Variants in SLC16A12 observed in about 807,000 individuals in gnomAD.
The protein encoded by SLC16A12 is solute carrier family 16 member 12, also known as monocarboxylate transporter 12.
SLC16A12 carries 17 observed loss-of-function variants against 42.4 expected under a neutral mutation model. The observed-to-expected ratio is 0.40, with a 90% CI of 0.27 to 0.60. The LOEUF (loss-of-function observed/expected upper bound fraction) is 0.60. Ranked by LOEUF, SLC16A12 falls within the 20% of genes least tolerant of loss-of-function variation. The pLI is 0.42. For missense variants in SLC16A12, 544 were observed against 623.0 expected (o/e 0.87, Z 1.35); for synonymous variants, 224 against 229.4 (o/e 0.98, Z 0.21).
intron 2 of SLC16A12, among the ~76,000 whole-genome samples, chr10:89,530,458 C>T (rs1361068106): frequency 1.3e-5 from 2 of 151,116 alleles, no homozygotes; most frequent in Non-Finnish European, 2.9e-5. Context: ...CGCTCTGTTG[C>T]CCAGGCTGGA....
Position 89,462,424 on chromosome 10 carries a change from A to G in SLC16A12, c.155T>C (p.Val52Ala). 6.2e-7 allele frequency: 1 copy of G among 1,614,092 alleles called. No homozygotes were observed. Among genetic ancestry groups the G allele is most frequent in the South Asian group, 1.1e-5 (1 of 91,086 alleles). Reference protein sequence around the residue: ...PPDGGWGWMIVAGCFLVTICT... With the variant: ...PPDGGWGWMIAAGCFLVTICT... ...GATGGTAACAAGGAAACAGCCAGCC[A>G]CAATCATCCAGCCCCAGCCTCCATC... Residue 52 changes from valine (V) to alanine (A), a missense_variant, in exon 3 of 8, where the codon GTG (valine) becomes GCG (alanine). By Grantham distance (64) the Val-to-Ala change is moderately conservative. Transcript: ENST00000371790.
intron 3 of SLC16A12, among the ~76,000 whole-genome samples, chr10:89,459,548 G>A (rs1842260199): frequency 6.6e-6 from 1 of 151,014 alleles, no homozygotes; most frequent in South Asian, 2.1e-4. Flanking sequence ...ATGTGTGTGT[G>A]TGTTTCAAGA....
intron 2 of SLC16A12, among the ~76,000 whole-genome samples, chr10:89,477,873 C>A (rs1469223331): frequency 1.4e-5 from 2 of 142,658 alleles, no homozygotes; most frequent in African/African-American, 5.1e-5. Flanking sequence ...TGCCCCCGCC[C>A]CCACCCCCAC....
At chr10:89,436,868 A>AAAAGAAAG (rs370756736) in intron 6 of SLC16A12, among the ~76,000 whole-genome samples, 17,420 of 120,316 alleles carry the variant, frequency 0.14, 1,418 homozygotes, top group South Asian at 0.21. Context: ...GAAATAAAGA[A>AAAAGAAAG]AAAGAAAGAA....
intron 6 of SLC16A12, 69 bp from the exon 7 acceptor site, chr10:89,436,388 C>T: frequency 5.7e-6 from 9 of 1,577,806 alleles, no homozygotes; most frequent in Admixed American, 1.7e-5. Context: ...AGAGCCACGG[C>T]TATGCAGCAG....
intron 3 of SLC16A12, among the ~76,000 whole-genome samples, chr10:89,444,397 C>A (rs1841964952): frequency 6.6e-6 from 1 of 151,860 alleles, no homozygotes; most frequent in African/African-American, 2.4e-5. Context: ...AGGATATATT[C>A]TGGAGAATAG....
At chr10:89,460,130 T>C (rs1439998595) in intron 3 of SLC16A12, among the ~76,000 whole-genome samples, 1 of 152,138 alleles carries the variant, frequency 6.6e-6, no homozygotes, top group Non-Finnish European at 1.5e-5. Context: ...AAGACTCAAC[T>C]ACCCCTAAGA....
chr10:89,436,194 T>C lies in SLC16A12; in HGVS notation c.1154A>G (p.Tyr385Cys). 1.2e-6 allele frequency: 2 copies of C among 1,614,006 alleles called. No homozygotes were observed. Among genetic ancestry groups the C allele is most frequent in the Admixed American group, 1.7e-5 (1 of 59,996 alleles). ...CAAAGTCACATAGGCACCATCAAAGTAGCCAAAGGTACAAGAGAAAGGCAC... is the reference window on the plus strand; with the variant it reads ...CAAAGTCACATAGGCACCATCAAAGCAGCCAAAGGTACAAGAGAAAGGCAC... ...LLVPFSCTFGYFDGAYVTLIP... is the reference protein window; with the variant it reads ...LLVPFSCTFGCFDGAYVTLIP... The change falls in exon 7 of 8, where the codon TAC becomes TGC. Residue 385 changes from tyrosine (Y) to cysteine (C), a missense_variant. Coordinates refer to ENST00000371790, the MANE Select transcript of SLC16A12 (RefSeq NM_213606.4).
At position 89,550,259 on chromosome 10, in the gene SLC16A12, A is replaced by G. The variant is rs141631988; in HGVS notation, c.-47+5623T>C. ...AACTTAAATTAGCACGGTGGCTCAC[A>G]CCTGTAATCTCAGCACTTTGCGGGG... On this transcript the variant is annotated intron_variant, in intron 2 of 2. Transcript: ENST00000475682. Among the ~76,000 whole-genome samples the G allele has an allele frequency of 4.4e-3, 668 of 152,244 alleles. 3 individuals carry two copies. Among genetic ancestry groups the G allele is most frequent in the African/African-American group, 0.015 (643 of 41,554 alleles).
At position 89,439,084 on chromosome 10, in the gene SLC16A12, C is replaced by T. The variant is rs772541514; in HGVS notation, c.548G>A (p.Ser183Asn). 2 of 1,613,412 alleles carry T rather than the reference C, an allele frequency of 1.2e-6. No homozygotes were observed. The highest frequency in any genetic ancestry group is 4.5e-5 in the East Asian group (2 of 44,880). ...AGCCAGGATGAAGGTGCCAATGCCA[C>T]TTCCTGACATGGCGATACCATAAGC... ...ALAYGIAMSG[S>N]GIGTFILAPV... The change falls in exon 6 of 8, where the codon AGT becomes AAT. Residue 183 changes from serine (S) to asparagine (N), a missense_variant. Physicochemically the swap from Ser to Asn is conservative, Grantham distance 46 (BLOSUM62 1). Coordinates refer to ENST00000371790, the MANE Select transcript of SLC16A12 (RefSeq NM_213606.4).
chr10:89,492,801 T>C (rs1017387488), intron 2 of SLC16A12, among the ~76,000 whole-genome samples: 5 of 152,078 alleles, frequency 3.3e-5, no homozygotes, highest in Middle Eastern at 3.4e-3. Context: ...AGAAGGTTAA[T>C]AGTCATCTCC....
intron 2 of SLC16A12, among the ~76,000 whole-genome samples, chr10:89,494,765 T>A (rs1391208089): frequency 6.6e-6 from 1 of 152,058 alleles, no homozygotes; most frequent in East Asian, 1.9e-4. Flanking sequence ...GACTCAGGAA[T>A]GAAGGAACAG....
chr10:89,450,606 G>A (rs1000131976), intron 3 of SLC16A12, among the ~76,000 whole-genome samples: 4 of 152,210 alleles, frequency 2.6e-5, no homozygotes, highest in South Asian at 2.1e-4. Flanking sequence ...GGGGCCTGTC[G>A]TGGGGTCAGG....
intron 2 of SLC16A12, among the ~76,000 whole-genome samples, chr10:89,477,512 C>A (rs888882184): frequency 2.1e-5 from 3 of 141,220 alleles, no homozygotes; most frequent in Admixed American, 7.7e-5. Context: ...TGCGTTGAGC[C>A]GAGATTGTGC....
chr10:89,533,584 T>C (rs1433638605), intron 2 of SLC16A12, among the ~76,000 whole-genome samples: 1 of 152,184 alleles, frequency 6.6e-6, no homozygotes, highest in Non-Finnish European at 1.5e-5. Flanking sequence ...TTTTTACTTC[T>C]GATCGATCAT....
chr10:89,497,073 T>C (rs1409119367), intron 2 of SLC16A12, among the ~76,000 whole-genome samples: 1 of 152,224 alleles, frequency 6.6e-6, no homozygotes, highest in Non-Finnish European at 1.5e-5. Flanking sequence ...AGGCTTTAGT[T>C]AATAATAAAG....
At chr10:89,469,039 G>A (rs1258326437) in intron 2 of SLC16A12, among the ~76,000 whole-genome samples, 2 of 152,154 alleles carry the variant, frequency 1.3e-5, no homozygotes, top group African/African-American at 4.8e-5. Flanking sequence ...TGAGGCATGA[G>A]AATCACTTGA....
chr10:89,516,098 A>G (rs954620412), intron 2 of SLC16A12, among the ~76,000 whole-genome samples: 1 of 152,184 alleles, frequency 6.6e-6, no homozygotes, highest in Non-Finnish European at 1.5e-5. Flanking sequence ...ACTCACAGGA[A>G]CACACCGGTG....
intron 2 of SLC16A12, among the ~76,000 whole-genome samples, chr10:89,549,675 C>T (rs539344967): frequency 6.6e-6 from 1 of 152,208 alleles, no homozygotes; most frequent in Non-Finnish European, 1.5e-5. Flanking sequence ...GCGTTTCCAC[C>T]TAATTCTAAG....
Sources: allele counts gnomAD v4.1 joint callset (sites outside exome capture counted in the v4.1 genomes callset), GRCh38; gene constraint gnomAD v4.1.1; transcripts MANE v1.5; gene names NCBI Gene and HGNC (gene_info 2026-07-23, HGNC 2026-07-21).